ATP2B2: variants seen among roughly 807,000 people sequenced by gnomAD.
ATP2B2 encodes the protein ATPase plasma membrane Ca2+ transporting 2, also known as plasma membrane calcium-transporting ATPase 2.
ATP2B2 carries 15 observed loss-of-function variants against 120.0 expected under a neutral mutation model. The observed-to-expected ratio is 0.12, with a 90% CI of 0.08 to 0.19. The LOEUF is 0.19. ATP2B2 is among the 10% of genes least tolerant of loss of function. The pLI, the probability that ATP2B2 is intolerant of heterozygous loss-of-function variation, is 1.00. For missense variants in ATP2B2, 1,045 were observed against 1,719.8 expected, an observed-to-expected ratio of 0.61 and a Z score of 6.94; for synonymous variants, 694 against 700.3, an observed-to-expected ratio of 0.99 and a Z score of 0.14.
At chr3:10,379,309 A>G (rs778058769) in intron 8 of ATP2B2, 25 bp from the exon 9 acceptor site, 3 of 1,612,494 alleles carry the variant, frequency 1.9e-6, no homozygotes, top group Non-Finnish European at 2.5e-6. Context: ...ATTTTAACAG[A>G]CAACAGAGAA....
At chr3:10,516,702 C>G (rs2066883116) in intron 3 of ATP2B2, among the ~76,000 whole-genome samples, 1 of 152,246 alleles carries the variant, frequency 6.6e-6, no homozygotes, top group South Asian at 2.1e-4. Context: ...AGTTACTCAA[C>G]TTTTCGGAGA....
chr3:10,634,858 A>G (rs2069977625), intron 1 of ATP2B2, among the ~76,000 whole-genome samples: 1 of 152,122 alleles, frequency 6.6e-6, no homozygotes, highest in East Asian at 1.9e-4. Context: ...CAAAATACAA[A>G]TCTCCTCTAT....
intron 3 of ATP2B2, among the ~76,000 whole-genome samples, chr3:10,519,770 G>A (rs1330360155): frequency 6.6e-6 from 1 of 152,236 alleles, no homozygotes; most frequent in Admixed American, 6.5e-5. Context: ...CACTGAGCCA[G>A]GCACTCAGCA....
intron 1 of ATP2B2, among the ~76,000 whole-genome samples, chr3:10,502,369 C>G (rs1013514325): frequency 1.3e-4 from 20 of 152,320 alleles, no homozygotes; most frequent in Middle Eastern, 3.4e-3. Context: ...GAGGAAGTGA[C>G]TTGGCCAAGA....
intron 12 of ATP2B2, among the ~76,000 whole-genome samples, chr3:10,370,803 C>A (rs1281995876): frequency 6.6e-6 from 1 of 152,160 alleles, no homozygotes; most frequent in African/African-American, 2.4e-5. Context: ...TAGCTGATCA[C>A]CCAGATGCTC....
intron 2 of ATP2B2, among the ~76,000 whole-genome samples, chr3:10,554,515 A>C (rs1246814657): frequency 6.6e-6 from 1 of 152,208 alleles, no homozygotes; most frequent in African/African-American, 2.4e-5. Context: ...AGTGTCTGTG[A>C]ATCAAGGAAA....
At chr3:10,566,520 T>C (rs916947673) in intron 2 of ATP2B2, 2 of 152,240 alleles carry the variant, frequency 1.3e-5, no homozygotes, top group Admixed American at 6.5e-5. Flanking sequence ...AACAACAAGA[T>C]GTGCTTTTCC....
intron 2 of ATP2B2, among the ~76,000 whole-genome samples, chr3:10,536,456 T>TCTCCTTC (rs967942589): frequency 6.6e-6 from 1 of 151,078 alleles, no homozygotes; most frequent in Non-Finnish European, 1.5e-5. Flanking sequence ...TCTTTCTTCC[T>TCTCCTTC]CTCCTTCCTC....
chr3:10,679,209 A>G (rs1055273818), intron 1 of ATP2B2, among the ~76,000 whole-genome samples: 3 of 152,312 alleles, frequency 2.0e-5, no homozygotes, highest in East Asian at 1.9e-4. Context: ...ACTTGCCTGC[A>G]CTATGGTGTA....
At chr3:10,464,276 G>T (rs1363006411) in intron 1 of ATP2B2, among the ~76,000 whole-genome samples, 2 of 152,160 alleles carry the variant, frequency 1.3e-5, no homozygotes, top group African/African-American at 4.8e-5. Flanking sequence ...GGGGGTGGGG[G>T]CTGCTAGCTG....
At position 10,327,740 on chromosome 3, in the gene ATP2B2, A is replaced by C. The variant is rs966978035; in HGVS notation, c.*1074T>G. 1.3e-5 allele frequency: 2 copies of C among 152,680 alleles called. No homozygotes were observed. Among genetic ancestry groups the C allele is most frequent in the African/African-American group, 4.8e-5 (2 of 41,476 alleles). The allele number at this position is 152,680 out of a possible 1,614,324, so 9.5% of individuals were successfully genotyped here. A position where few individuals can be genotyped will look rare whatever the true frequency, so the allele number is the denominator to read the frequency against. On this transcript the variant is annotated 3_prime_UTR_variant, in exon 23 of 23. Transcript: ENST00000360273. ...GGCCGTTAGTGTTGCAAACCCAGGA[A>C]GCCTTCTCTCCTCCTCTCCCTTCGT...
At chr3:10,663,398 C>G (rs2070840853) in intron 1 of ATP2B2, among the ~76,000 whole-genome samples, 1 of 151,910 alleles carries the variant, frequency 6.6e-6, no homozygotes, top group Non-Finnish European at 1.5e-5. Flanking sequence ...AAAAACAGGC[C>G]CTGGGAGAAG....
At chr3:10,643,088 C>T (rs1476617096) in intron 1 of ATP2B2, among the ~76,000 whole-genome samples, 2 of 152,158 alleles carry the variant, frequency 1.3e-5, no homozygotes, top group Non-Finnish European at 2.9e-5. Context: ...ACAACAACAA[C>T]AGCAAGGCAA....
intron 2 of ATP2B2, among the ~76,000 whole-genome samples, chr3:10,611,300 G>A (rs1440832233): frequency 6.6e-6 from 1 of 152,206 alleles, no homozygotes; most frequent in Admixed American, 6.5e-5. Context: ...ACAAGGAACT[G>A]TGAGGGCTAT....
In ATP2B2 at chr3:10,648,981, G is replaced by A. The variant is rs556974876; in HGVS notation, c.-459-29020C>T. ...TGACCATGACCATGTTGATTCACCTGTTGCATAAACCCTTCATTTGGCCTC... is the reference window on the plus strand; with the variant it reads ...TGACCATGACCATGTTGATTCACCTATTGCATAAACCCTTCATTTGGCCTC... On this transcript the variant is annotated intron_variant, in intron 1 of 21. Coordinates refer to the ATP2B2 transcript ENST00000646379. 5.9e-5 allele frequency among the ~76,000 whole-genome samples: 9 copies of A among 152,324 alleles called. No individual in the cohort carries two copies. In the South Asian group the frequency reaches 1.7e-3, roughly 28 times the overall value.
At chr3:10,476,347 G>A (rs1050634610) in intron 1 of ATP2B2, among the ~76,000 whole-genome samples, 3 of 152,180 alleles carry the variant, frequency 2.0e-5, no homozygotes, top group African/African-American at 7.2e-5. Context: ...AATCCCTGAA[G>A]CCCTCACCCC....
intron 1 of ATP2B2, among the ~76,000 whole-genome samples, chr3:10,470,288 G>A (rs1446290335): frequency 6.6e-6 from 1 of 152,142 alleles, no homozygotes; most frequent in Non-Finnish European, 1.5e-5. Context: ...CAACACAGGT[G>A]TAGGTGTTGT....
chr3:10,388,493 G>A, intron 5 of ATP2B2, 91 bp from the exon 6 acceptor site: 3 of 1,581,904 alleles, frequency 1.9e-6, no homozygotes, highest in Non-Finnish European at 1.7e-6. Context: ...TCAGCTCCTG[G>A]CTCTTTGCCT....
At chr3:10,338,098 G>A (rs1310164671) in intron 22 of ATP2B2, 78 bp downstream of exon 22, 9 of 1,587,122 alleles carry the variant, frequency 5.7e-6, no homozygotes, top group Admixed American at 5.1e-5. Context: ...GCCCTGGGGG[G>A]CAGCACAAGC....
Sources: gnomAD v4.1 joint callset for allele counts (sites outside exome capture counted in the v4.1 genomes callset) on GRCh38, gnomAD v4.1.1 for gene constraint, MANE v1.5 for transcripts, NCBI Gene and HGNC (gene_info 2026-07-23, HGNC 2026-07-21) for gene names.